The following ATRNL1 variants were observed in gnomAD, a reference collection of about 807,000 sequenced individuals.
ATRNL1 encodes the protein attractin-like protein 1.
Under a neutral mutation model 182.7 loss-of-function variants are expected in ATRNL1, and 95 were observed. The observed-to-expected ratio is 0.52, with a 90% CI of 0.44 to 0.62. ATRNL1 has a LOEUF of 0.62. Among genes scored for constraint, ATRNL1 ranks in the 20% least tolerant of loss-of-function variants. The pLI, the probability that ATRNL1 is intolerant of heterozygous loss-of-function variation, is 0.00. For missense variants in ATRNL1, 1,471 were observed against 1,679.5 expected (o/e 0.88, Z 2.17); for synonymous variants, 576 against 568.3 (o/e 1.01, Z -0.19).
chr10:115,864,596 T>C (rs192702052), intron 28 of ATRNL1, among the ~76,000 whole-genome samples: 7 of 152,310 alleles, frequency 4.6e-5, no homozygotes, highest in Admixed American at 4.6e-4. Context: ...TAATTAAACA[T>C]ATAGAAATCA....
intron 26 of ATRNL1, among the ~76,000 whole-genome samples, chr10:115,555,009 T>C (rs1166220626): frequency 6.6e-6 from 1 of 151,818 alleles, no homozygotes; most frequent in Non-Finnish European, 1.5e-5. Flanking sequence ...TCTCGATATA[T>C]GTGTCTGATG....
At chr10:115,288,497 T>C (rs191789607) in intron 15 of ATRNL1, among the ~76,000 whole-genome samples, 2 of 152,186 alleles carry the variant, frequency 1.3e-5, no homozygotes, top group East Asian at 3.9e-4. Flanking sequence ...TTCACACTTT[T>C]GTTGGTCACT....
intron 28 of ATRNL1, among the ~76,000 whole-genome samples, chr10:115,919,006 C>T (rs1171522726): frequency 3.3e-5 from 5 of 152,110 alleles, no homozygotes; most frequent in African/African-American, 1.2e-4. Flanking sequence ...AACTTCTAGA[C>T]ATAAATAAAA....
At chr10:115,216,110 A>G (rs1306823563) in intron 9 of ATRNL1, among the ~76,000 whole-genome samples, 2 of 152,186 alleles carry the variant, frequency 1.3e-5, no homozygotes, top group African/African-American at 2.4e-5. Flanking sequence ...TAAATTTTAA[A>G]AAGCATTTAT....
chr10:115,412,212 A>T (rs1426073693), intron 20 of ATRNL1, among the ~76,000 whole-genome samples: 1 of 152,162 alleles, frequency 6.6e-6, no homozygotes, highest in African/African-American at 2.4e-5. Context: ...GCAGCTGAGG[A>T]TAGCCACCAG....
intron 25 of ATRNL1, among the ~76,000 whole-genome samples, chr10:115,535,307 C>A (rs7913114): frequency 0.63 from 92,857 of 148,160 alleles, 29,669 homozygotes; most frequent in Non-Finnish European, 0.72. Context: ...TTGTTCGTTT[C>A]TTTTTATTCT....
At chr10:115,148,588 A>T (rs1197836209) in intron 5 of ATRNL1, among the ~76,000 whole-genome samples, 1 of 152,084 alleles carries the variant, frequency 6.6e-6, no homozygotes, top group East Asian at 1.9e-4. Context: ...GAAATAGCCA[A>T]GGTTTGTTGT....
intron 21 of ATRNL1, among the ~76,000 whole-genome samples, chr10:115,432,402 G>A (rs917301783): frequency 1.3e-5 from 2 of 152,082 alleles, no homozygotes; most frequent in Non-Finnish European, 2.9e-5. Context: ...GCACTAGGTG[G>A]CACTCTTGGT....
intron 17 of ATRNL1, among the ~76,000 whole-genome samples, chr10:115,306,696 G>A (rs1554926279): frequency 6.6e-6 from 1 of 151,862 alleles, no homozygotes; most frequent in Admixed American, 6.6e-5. Flanking sequence ...ATAGTTGCTG[G>A]AACTTCTAGA....
chr10:115,127,839 T>C (rs1484816149), intron 4 of ATRNL1, 118 bp downstream of exon 4: 1 of 674,910 alleles, frequency 1.5e-6, no homozygotes, highest in African/African-American at 1.9e-5. Context: ...CCGTGTTAAA[T>C]TTCAAATTAG....
At chr10:115,856,928 G>T (rs1951202996) in intron 28 of ATRNL1, among the ~76,000 whole-genome samples, 1 of 152,022 alleles carries the variant, frequency 6.6e-6, no homozygotes, top group Admixed American at 6.6e-5. Context: ...ACATGGGTTT[G>T]AACTGTGTGG....
At chr10:115,698,852 A>G (rs993566374) in intron 26 of ATRNL1, among the ~76,000 whole-genome samples, 1 of 152,120 alleles carries the variant, frequency 6.6e-6, no homozygotes, top group African/African-American at 2.4e-5. Context: ...TACTAGCAAT[A>G]TTCGTCTCAG....
chr10:115,215,944 A>G (rs185357091), intron 9 of ATRNL1, 64 bp downstream of exon 9: 14,103 of 1,271,610 alleles, frequency 0.011, 107 homozygotes, highest in Non-Finnish European at 0.013. Context: ...TGACTTTAAA[A>G]TGGTTTCTGA....
intron 8 of ATRNL1, among the ~76,000 whole-genome samples, chr10:115,198,070 C>T (rs996590584): frequency 6.6e-6 from 1 of 152,078 alleles, no homozygotes; most frequent in Non-Finnish European, 1.5e-5. Flanking sequence ...GGTAGTTCTA[C>T]TTTTAATTTT....
chr10:115,252,150 C>G (rs969745135), intron 10 of ATRNL1, among the ~76,000 whole-genome samples: 4 of 152,274 alleles, frequency 2.6e-5, no homozygotes, highest in Non-Finnish European at 5.9e-5. Flanking sequence ...CCTCAGCCTC[C>G]TGAGTAGCTG....
At chr10:115,865,220 A>G (rs1318186809) in intron 28 of ATRNL1, among the ~76,000 whole-genome samples, 9 of 152,174 alleles carry the variant, frequency 5.9e-5, no homozygotes, top group African/African-American at 2.2e-4. Context: ...TGATTACTCA[A>G]TAATAGTATA....
At chr10:115,236,870 T>C (rs894447488) in intron 9 of ATRNL1, among the ~76,000 whole-genome samples, 1 of 152,186 alleles carries the variant, frequency 6.6e-6, no homozygotes, top group Non-Finnish European at 1.5e-5. Context: ...AATATTTTAA[T>C]TTTCCTAAAA....
intron 24 of ATRNL1, 137 bp from the exon 25 acceptor site, chr10:115,519,126 A>G: frequency 1.4e-6 from 1 of 717,524 alleles, no homozygotes; most frequent in Non-Finnish European, 2.3e-6. Context: ...TTTTCATTCC[A>G]TCACATATTT....
At chr10:115,806,672 C>A (rs1182127503) in intron 27 of ATRNL1, among the ~76,000 whole-genome samples, 1 of 152,076 alleles carries the variant, frequency 6.6e-6, no homozygotes, top group African/African-American at 2.4e-5. Flanking sequence ...TTTGTCAGAT[C>A]AGTGTTGTTT....
Sources: allele counts gnomAD v4.1 joint callset (sites outside exome capture counted in the v4.1 genomes callset), GRCh38; gene constraint gnomAD v4.1.1; transcripts MANE v1.5; gene names NCBI Gene and HGNC (gene_info 2026-07-23, HGNC 2026-07-21).